WWOX: variants seen among roughly 807,000 people sequenced by gnomAD.
WWOX encodes WW domain-containing oxidoreductase.
WWOX carries 69 observed loss-of-function variants against 46.2 expected under a neutral mutation model. The ratio of observed to expected loss-of-function variants is 1.49; its 90% CI spans 1.23 to 1.82. WWOX has a LOEUF of 1.82. Ranked by LOEUF, WWOX falls within the 40% of genes most tolerant of loss-of-function variation. WWOX has a pLI of 0.00. For synonymous variants in WWOX, 359 were observed against 202.6 expected (o/e 1.77, Z -6.56); for missense variants, 919 against 542.6 (o/e 1.69, Z -6.89).
At chr16:78,993,864 C>G (rs1324487897) in intron 8 of WWOX, among the ~76,000 whole-genome samples, 1 of 152,174 alleles carries the variant, frequency 6.6e-6, no homozygotes, top group Admixed American at 6.5e-5. Flanking sequence ...GCCCGCTGGT[C>G]GGTCACTCCT....
chr16:78,168,755 T>C (rs901451668), intron 5 of WWOX, among the ~76,000 whole-genome samples: 6 of 152,202 alleles, frequency 3.9e-5, no homozygotes, highest in South Asian at 2.1e-4. Flanking sequence ...ATATCCTTTA[T>C]AGAGCTCTCA....
chr16:78,925,688 G>C (rs2045481668), intron 8 of WWOX, among the ~76,000 whole-genome samples: 1 of 152,186 alleles, frequency 6.6e-6, no homozygotes, highest in South Asian at 2.1e-4. Flanking sequence ...CTTTTGCCAA[G>C]ATTTGAGAAG....
chr16:78,498,387 C>G (rs1052227818), intron 8 of WWOX, among the ~76,000 whole-genome samples: 1 of 152,090 alleles, frequency 6.6e-6, no homozygotes, highest in East Asian at 1.9e-4. Context: ...CACATCTCTT[C>G]CCACCCCTTC....
intron 5 of WWOX, among the ~76,000 whole-genome samples, chr16:78,269,473 G>T (rs904875081): frequency 1.3e-5 from 2 of 152,114 alleles, no homozygotes; most frequent in Admixed American, 1.3e-4. Context: ...GCTGCCCTGT[G>T]ACATATTGTT....
chr16:78,200,546 T>G (rs890915660), intron 5 of WWOX, among the ~76,000 whole-genome samples: 1 of 151,118 alleles, frequency 6.6e-6, no homozygotes, highest in African/African-American at 2.4e-5. Flanking sequence ...ATCACAAAAA[T>G]TTTTAATATC....
intron 8 of WWOX, among the ~76,000 whole-genome samples, chr16:78,803,067 C>A (rs2050938099): frequency 6.6e-6 from 1 of 150,710 alleles, no homozygotes; most frequent in East Asian, 2.0e-4. Context: ...CTAGTAGGTG[C>A]TTTATTTTTA....
At chr16:78,639,875 T>C (rs1221819379) in intron 8 of WWOX, among the ~76,000 whole-genome samples, 8 of 152,260 alleles carry the variant, frequency 5.3e-5, no homozygotes, top group Admixed American at 5.2e-4. Flanking sequence ...CCAGATTGGC[T>C]TCTGTGTGAG....
chr16:78,482,412 C>T (rs1290791813), intron 8 of WWOX, among the ~76,000 whole-genome samples: 3 of 152,060 alleles, frequency 2.0e-5, no homozygotes, highest in Non-Finnish European at 4.4e-5. Context: ...AGTTAGACAC[C>T]AGGTTTCACC....
chr16:79,096,487 C>T (rs2049076789), intron 8 of WWOX, among the ~76,000 whole-genome samples: 1 of 152,150 alleles, frequency 6.6e-6, no homozygotes, highest in Non-Finnish European at 1.5e-5. Flanking sequence ...GGTTATCCCA[C>T]TCAGAGTGCC....
In WWOX at chr16:79,212,471, T is replaced by C. The variant is rs1188982539; in HGVS notation, c.*675T>C. 2 of 231,354 alleles carry C rather than the reference T, an allele frequency of 8.6e-6. No homozygotes were observed. Among genetic ancestry groups the C allele is most frequent in the Non-Finnish European group, 1.7e-5 (2 of 116,608 alleles). The allele number at this position is 231,354 out of a possible 1,614,324, so 14.3% of individuals were successfully genotyped here. On this transcript the variant is annotated 3_prime_UTR_variant, in exon 9 of 9. Transcript: ENST00000566780. Reference sequence around the variant, plus strand: ...TATAACAAATTTTTCAAATCATTCCTTAGATACCTTGAAAGGCAGGAAGGG... The same window carrying C: ...TATAACAAATTTTTCAAATCATTCCCTAGATACCTTGAAAGGCAGGAAGGG...
chr16:78,632,179 G>A (rs896260110), intron 8 of WWOX, among the ~76,000 whole-genome samples: 1 of 152,128 alleles, frequency 6.6e-6, no homozygotes, highest in East Asian at 1.9e-4. Context: ...CATATTAAGT[G>A]ACAAGTTGCA....
At position 78,753,081 on chromosome 16, in the gene WWOX, G is replaced by A. The variant is rs538872019; in HGVS notation, c.1056+320329G>A. The stretch of plus-strand genomic sequence containing the variant: ...AGGCCGAGGCGGGTGGATCACCTGA[G>A]GTCAGGAGATGGAGACCATCCTGGC... On this transcript the variant is annotated intron_variant, in intron 8 of 8. Transcript: ENST00000566780. Among the ~76,000 whole-genome samples the A allele has an allele frequency of 2.0e-5, 3 of 152,282 alleles. No individual in the cohort carries two copies. The East Asian group carries it at 5.8e-4, about 29-fold the overall frequency.
chr16:78,352,794 CTTAAATTTAT>C (rs2081211021), intron 5 of WWOX, among the ~76,000 whole-genome samples: 1 of 151,770 alleles, frequency 6.6e-6, no homozygotes, highest in Non-Finnish European at 1.5e-5. Flanking sequence ...ATGCATGAGT[CTTAAATTTAT>C]TTTATGTCCT....
intron 4 of WWOX, among the ~76,000 whole-genome samples, chr16:78,118,353 G>C (rs2032916898): frequency 6.6e-6 from 1 of 152,132 alleles, no homozygotes. Context: ...GGAAATGTCA[G>C]AATAAAGCAT....
chr16:78,933,513 G>T (rs2045668600), intron 8 of WWOX, among the ~76,000 whole-genome samples: 1 of 152,218 alleles, frequency 6.6e-6, no homozygotes, highest in Non-Finnish European at 1.5e-5. Context: ...AATAGGTTAG[G>T]TTAGGATACG....
chr16:79,178,379 C>T (rs555305407), intron 8 of WWOX, among the ~76,000 whole-genome samples: 12 of 152,122 alleles, frequency 7.9e-5, no homozygotes, highest in African/African-American at 2.9e-4. Context: ...TGCAGTGGTG[C>T]GGTCACAGCT....
chr16:78,305,415 G>C (rs944347672), intron 5 of WWOX, among the ~76,000 whole-genome samples: 1 of 152,164 alleles, frequency 6.6e-6, no homozygotes. Flanking sequence ...TGGCCATTTA[G>C]AAGTGAAATG....
chr16:78,634,837 AGT>A (rs59374463), intron 8 of WWOX, among the ~76,000 whole-genome samples: 21,783 of 110,876 alleles, frequency 0.2, 1,885 homozygotes, highest in African/African-American at 0.3. Flanking sequence ...AGAGAGAGAG[AGT>A]GTGTGTGTGT....
chr16:78,427,688 G>T (rs2083118014), intron 7 of WWOX, among the ~76,000 whole-genome samples: 1 of 152,126 alleles, frequency 6.6e-6, no homozygotes, highest in Non-Finnish European at 1.5e-5. Flanking sequence ...TGAGGTGGGA[G>T]GATGGCTTGA....
Sources: gnomAD v4.1 joint callset for allele counts (sites outside exome capture counted in the v4.1 genomes callset) on GRCh38, gnomAD v4.1.1 for gene constraint, MANE v1.5 for transcripts, NCBI Gene and HGNC (gene_info 2026-07-23, HGNC 2026-07-21) for gene names.